ANGPT2: variants seen among roughly 807,000 people sequenced by gnomAD.
ANGPT2 encodes angiopoietin-2.
Under a neutral mutation model 62.9 loss-of-function variants are expected in ANGPT2, and 28 were observed. The ratio of observed to expected loss-of-function variants is 0.44; its 90% CI spans 0.33 to 0.61. The LOEUF is 0.61. ANGPT2 is among the 20% of genes least tolerant of loss of function. The pLI is 0.03. For synonymous variants in ANGPT2, 284 were observed against 207.8 expected (o/e 1.37, Z -3.15); for missense variants, 727 against 594.9 (o/e 1.22, Z -2.31).
intron 1 of ANGPT2, among the ~76,000 whole-genome samples, chr8:6,556,223 A>G (rs1402879038): frequency 1.3e-5 from 2 of 152,200 alleles, no homozygotes; most frequent in South Asian, 2.1e-4. Flanking sequence ...GTACTACAGC[A>G]TATACAGTGT....
chr8:6,518,664 A>G (rs1816750969), intron 5 of ANGPT2, among the ~76,000 whole-genome samples: 1 of 152,232 alleles, frequency 6.6e-6, no homozygotes, highest in African/African-American at 2.4e-5. Flanking sequence ...CTCAATTTAA[A>G]GAGATAATAC....
chr8:6,505,137 G>A (rs1453539914), intron 8 of ANGPT2, among the ~76,000 whole-genome samples: 3 of 75,042 alleles, frequency 4.0e-5, no homozygotes, highest in African/African-American at 8.7e-5. Context: ...AGCCTTACCC[G>A]TAATGCATTA....
intron 6 of ANGPT2, among the ~76,000 whole-genome samples, chr8:6,514,236 C>A (rs1303236173): frequency 3.9e-5 from 6 of 152,188 alleles, no homozygotes; most frequent in African/African-American, 1.4e-4. Context: ...GTTGCCCAGG[C>A]TGGAGTGCAG....
chr8:6,515,719 G>C (rs1190237226), intron 5 of ANGPT2, among the ~76,000 whole-genome samples: 2 of 152,162 alleles, frequency 1.3e-5, no homozygotes, highest in Non-Finnish European at 2.9e-5. Context: ...CCACATACAA[G>C]GTAGGAAATA....
At chr8:6,541,368 G>C (rs1821537444) in intron 1 of ANGPT2, among the ~76,000 whole-genome samples, 1 of 152,184 alleles carries the variant, frequency 6.6e-6, no homozygotes, top group African/African-American at 2.4e-5. Flanking sequence ...CACGTGGAAG[G>C]GGAGCTTGTA....
chr8:6,553,219 C>G (rs549303953), intron 1 of ANGPT2, among the ~76,000 whole-genome samples: 1 of 152,266 alleles, frequency 6.6e-6, no homozygotes, highest in Non-Finnish European at 1.5e-5. Context: ...TATGGGAACT[C>G]TCTGCACTTT....
intron 7 of ANGPT2, among the ~76,000 whole-genome samples, chr8:6,512,332 C>T (rs920732825): frequency 1.3e-5 from 2 of 152,172 alleles, no homozygotes; most frequent in African/African-American, 4.8e-5. Context: ...TGCTCAAGGA[C>T]TTTAACATTG....
In ANGPT2 at chr8:6,501,050, C is replaced by T. The variant is rs1172884489; in HGVS notation, c.*2051G>A. The T allele has an allele frequency of 6.6e-6, 1 of 152,172 alleles. No individual in the cohort carries two copies. The highest frequency in any genetic ancestry group is 6.5e-5 in the Admixed American group (1 of 15,272). The allele number at this position is 152,172 out of a possible 1,614,324, so 9.4% of individuals were successfully genotyped here. A position where few individuals can be genotyped will look rare whatever the true frequency, so the allele number is the denominator to read the frequency against. Reference sequence around the variant, plus strand: ...GTTGTTTTTCAACTTGATACAAGGCCATGATACCGTTGTTGAATTCATAAA... The same window carrying T: ...GTTGTTTTTCAACTTGATACAAGGCTATGATACCGTTGTTGAATTCATAAA... On this transcript the variant is annotated 3_prime_UTR_variant, in exon 9 of 9. Transcript: ENST00000629816.
chr8:6,510,525 A>G lies in ANGPT2; in HGVS notation c.1197-1463T>C, dbSNP rs561731599. 2.6e-5 allele frequency among the ~76,000 whole-genome samples: 4 copies of G among 152,356 alleles called. No homozygotes were observed. The South Asian group carries it at 8.3e-4, about 32-fold the overall frequency. On this transcript the variant is annotated intron_variant, in intron 7 of 8. Coordinates refer to ENST00000629816, the MANE Select transcript of ANGPT2 (RefSeq NM_001118887.2). ...TTTAGTTTTACCTGCTGGTCGGGCC[A>G]GGCCAGGTGCTTACACCTGCATGCA...
chr8:6,558,798 C>T (rs866839848), intron 1 of ANGPT2, among the ~76,000 whole-genome samples: 2 of 151,894 alleles, frequency 1.3e-5, no homozygotes, highest in Non-Finnish European at 2.9e-5. Flanking sequence ...GACTACTTGA[C>T]CATAGAAAAC....
intron 1 of ANGPT2, among the ~76,000 whole-genome samples, chr8:6,562,183 C>T (rs918891836): frequency 4.6e-5 from 7 of 152,154 alleles, no homozygotes. Flanking sequence ...CACTTTACTC[C>T]ATCCGTTATG....
At chr8:6,517,193 C>G (rs1816423504) in intron 5 of ANGPT2, among the ~76,000 whole-genome samples, 1 of 152,220 alleles carries the variant, frequency 6.6e-6, no homozygotes, top group African/African-American at 2.4e-5. Context: ...CAAGACCTTA[C>G]CACTCCAATT....
intron 1 of ANGPT2, among the ~76,000 whole-genome samples, chr8:6,551,641 T>C (rs1403855491): frequency 6.6e-6 from 1 of 152,224 alleles, no homozygotes; most frequent in African/African-American, 2.4e-5. Context: ...TAAAAATGAT[T>C]CAGGTCAGGA....
At position 6,502,957 on chromosome 8, in the gene ANGPT2, A is replaced by G; in HGVS notation, c.*144T>C. 1 of 893,962 alleles carries G rather than the reference A, an allele frequency of 1.1e-6. No homozygotes were observed. Among genetic ancestry groups the G allele is most frequent in the Non-Finnish European group, 1.7e-6 (1 of 588,296 alleles). 55.4% of individuals were successfully genotyped at this position (893,962 alleles called of 1,614,324 possible). On this transcript the variant is annotated 3_prime_UTR_variant, in exon 9 of 9. Transcript: ENST00000629816. Reference sequence around the variant, plus strand: ...TTAAGTGATAAAGTTTACAGGCTCTAATCTGGAGCATGTGGGTCCCGTCAG... The same window carrying G: ...TTAAGTGATAAAGTTTACAGGCTCTGATCTGGAGCATGTGGGTCCCGTCAG...
chr8:6,554,349 A>T (rs10216888), intron 1 of ANGPT2, among the ~76,000 whole-genome samples: 4,294 of 152,020 alleles, frequency 0.028, 136 homozygotes, highest in African/African-American at 0.072. Flanking sequence ...CTTCCTTTTA[A>T]GACTTTGTTC....
chr8:6,557,940 C>A (rs1727656416), intron 1 of ANGPT2, among the ~76,000 whole-genome samples: 1 of 152,124 alleles, frequency 6.6e-6, no homozygotes, highest in South Asian at 2.1e-4. Flanking sequence ...TCCTTTCTTC[C>A]CTGTCAAAAC....
At chr8:6,554,860 T>C (rs1824313019) in intron 1 of ANGPT2, among the ~76,000 whole-genome samples, 3 of 152,148 alleles carry the variant, frequency 2.0e-5, no homozygotes, top group South Asian at 2.1e-4. Context: ...TAAGTCCAGT[T>C]CTCAGGAGTT....
At chr8:6,514,621 G>T in intron 6 of ANGPT2, 56 bp downstream of exon 6, 1 of 1,489,634 alleles carries the variant, frequency 6.7e-7, no homozygotes, top group Non-Finnish European at 9.4e-7. Flanking sequence ...CGCAGATCTT[G>T]AAAGCTATTT....
intron 1 of ANGPT2, among the ~76,000 whole-genome samples, chr8:6,549,510 G>A (rs1823219062): frequency 6.6e-6 from 1 of 152,142 alleles, no homozygotes; most frequent in African/African-American, 2.4e-5. Context: ...TCTGTATCTT[G>A]AGCTGGGCAG....
Sources: allele counts gnomAD v4.1 joint callset (sites outside exome capture counted in the v4.1 genomes callset), GRCh38; gene constraint gnomAD v4.1.1; transcripts MANE v1.5; gene names NCBI Gene and HGNC (gene_info 2026-07-23, HGNC 2026-07-21).